The following GRIN2A variants were observed in gnomAD, a reference collection of about 807,000 sequenced individuals.
GRIN2A encodes the protein glutamate ionotropic receptor NMDA type subunit 2A.
Under a neutral mutation model 113.4 loss-of-function variants are expected in GRIN2A, and 22 were observed. The observed-to-expected ratio is 0.19, with a 90% confidence interval of 0.14 to 0.28. The LOEUF (loss-of-function observed/expected upper bound fraction) is 0.28, where lower values mean the gene tolerates loss of function less well. GRIN2A is among the 10% of genes least tolerant of loss of function. GRIN2A has a pLI of 1.00. For missense variants in GRIN2A, 1,502 were observed against 1,887.0 expected (o/e 0.80, Z 3.78); for synonymous variants, 827 against 738.4 (o/e 1.12, Z -1.94).
intron 3 of GRIN2A, among the ~76,000 whole-genome samples, chr16:9,921,506 C>A (rs974590973): frequency 2.6e-5 from 4 of 152,176 alleles, no homozygotes; most frequent in Admixed American, 6.5e-5. Context: ...TCTCTGAAAT[C>A]TTTTTCTCAT....
intron 3 of GRIN2A, among the ~76,000 whole-genome samples, chr16:9,937,188 A>C (rs2044733043): frequency 6.6e-6 from 1 of 152,032 alleles, no homozygotes; most frequent in Non-Finnish European, 1.5e-5. Flanking sequence ...AAAATACTTC[A>C]CTTATCCCAT....
At chr16:10,098,035 C>T (rs190425284) in intron 2 of GRIN2A, among the ~76,000 whole-genome samples, 6 of 152,202 alleles carry the variant, frequency 3.9e-5, no homozygotes, top group Admixed American at 3.3e-4. Context: ...ATCTTCACAA[C>T]CATACATCCA....
intron 2 of GRIN2A, among the ~76,000 whole-genome samples, chr16:10,047,469 T>C (rs1461384295): frequency 6.6e-6 from 1 of 152,242 alleles, no homozygotes; most frequent in East Asian, 1.9e-4. Flanking sequence ...GTTCTTGGTT[T>C]AAAGATTATT....
chr16:9,845,647 G>C (rs1211895799), intron 5 of GRIN2A, among the ~76,000 whole-genome samples: 1 of 152,238 alleles, frequency 6.6e-6, no homozygotes, highest in South Asian at 2.1e-4. Context: ...AAACTCCCAA[G>C]CTCCTTTCCT....
At chr16:9,938,781 T>C (rs1186950011) in intron 2 of GRIN2A, among the ~76,000 whole-genome samples, 1 of 152,194 alleles carries the variant, frequency 6.6e-6, no homozygotes, top group Admixed American at 6.5e-5. Context: ...TCTGTAATTA[T>C]TGCTTGCTTA....
chr16:10,050,527 G>T (rs1049093628), intron 2 of GRIN2A, among the ~76,000 whole-genome samples: 2 of 151,842 alleles, frequency 1.3e-5, no homozygotes, highest in African/African-American at 4.8e-5. Context: ...CTCCTTATGA[G>T]AATCTAATGC....
intron 2 of GRIN2A, among the ~76,000 whole-genome samples, chr16:10,153,805 A>G (rs1331498143): frequency 7.2e-5 from 11 of 152,202 alleles, no homozygotes; most frequent in Non-Finnish European, 1.5e-5. Context: ...GATCTCCTTA[A>G]TGCAGCATGT....
chr16:10,113,812 T>C (rs1003878207), intron 2 of GRIN2A, among the ~76,000 whole-genome samples: 1 of 152,236 alleles, frequency 6.6e-6, no homozygotes, highest in African/African-American at 2.4e-5. Context: ...GTGACAGCGT[T>C]ATTGAGTTGA....
In GRIN2A at chr16:9,913,885, A is replaced by AT. The variant is rs142983404; in HGVS notation, c.1008-22786dup. On this transcript the variant is annotated intron_variant, in intron 3 of 12. Coordinates refer to ENST00000330684, the MANE Select transcript of GRIN2A (RefSeq NM_001134407.3). The stretch of plus-strand genomic sequence containing the variant: ...GTTTGGGCTTGAAGTTTGAAATAAC[A>AT]TTTTTTTTTCCATTTCTCCTTTGGG... 9.3e-3 allele frequency among the ~76,000 whole-genome samples: 1,410 copies of AT among 151,286 alleles called. 29 individuals carry two copies. Among genetic ancestry groups the AT allele is most frequent in the African/African-American group, 0.032 (1,337 of 41,288 alleles).
At chr16:9,907,188 G>A (rs2044044098) in intron 3 of GRIN2A, among the ~76,000 whole-genome samples, 1 of 152,184 alleles carries the variant, frequency 6.6e-6, no homozygotes, top group Non-Finnish European at 1.5e-5. Context: ...TATGAAAAGA[G>A]ATTATAAACA....
intron 11 of GRIN2A, among the ~76,000 whole-genome samples, chr16:9,783,709 C>A (rs1018148170): frequency 3.9e-5 from 6 of 152,162 alleles, no homozygotes; most frequent in South Asian, 2.1e-4. Context: ...ATATCATGGA[C>A]CCCAACTGAG....
chr16:10,093,762 T>G (rs1405443821), intron 2 of GRIN2A, among the ~76,000 whole-genome samples: 1 of 152,202 alleles, frequency 6.6e-6, no homozygotes, highest in Non-Finnish European at 1.5e-5. Context: ...TCCTCACCTC[T>G]TGACTTTGAG....
At chr16:10,093,138 A>G (rs2048216235) in intron 2 of GRIN2A, among the ~76,000 whole-genome samples, 1 of 152,182 alleles carries the variant, frequency 6.6e-6, no homozygotes, top group South Asian at 2.1e-4. Context: ...ACGCCCGGCC[A>G]ACCTTTCTGA....
chr16:10,179,252 G>C (rs549920738), intron 2 of GRIN2A, among the ~76,000 whole-genome samples: 1 of 152,162 alleles, frequency 6.6e-6, no homozygotes, highest in Non-Finnish European at 1.5e-5. Context: ...TCTTTGTTCA[G>C]GAGCCAACTC....
In GRIN2A at chr16:9,897,219, AT is replaced by A. The variant is rs199886425; in HGVS notation, c.1008-6120del. Among the ~76,000 whole-genome samples, 279 of 134,724 alleles carry A rather than the reference AT, an allele frequency of 2.1e-3. 1 individual carries two copies. The highest frequency in any genetic ancestry group is 8.5e-3 in the African/African-American group (269 of 31,788). 88.4% of individuals were successfully genotyped at this position (134,724 alleles called of 152,430 possible). A position where few individuals can be genotyped will look rare whatever the true frequency, so the allele number is the denominator to read the frequency against. The stretch of plus-strand genomic sequence containing the variant: ...ATATATATTTACATATTTTATATAT[AT>A]AAAAAAATACATAAAATACGTACAT... On this transcript the variant is annotated intron_variant, in intron 3 of 12. Coordinates refer to ENST00000330684, the MANE Select transcript of GRIN2A (RefSeq NM_001134407.3).
At chr16:10,129,045 G>C (rs2049007286) in intron 2 of GRIN2A, among the ~76,000 whole-genome samples, 2 of 152,082 alleles carry the variant, frequency 1.3e-5, no homozygotes, top group South Asian at 4.1e-4. Context: ...CCTACTATGT[G>C]CATCACTTTT....
intron 2 of GRIN2A, among the ~76,000 whole-genome samples, chr16:10,080,868 A>G (rs2047965627): frequency 1.3e-5 from 2 of 152,056 alleles, no homozygotes; most frequent in Admixed American, 1.3e-4. Context: ...TTTCCCAGCC[A>G]CATCTCCACC....
intron 8 of GRIN2A, among the ~76,000 whole-genome samples, chr16:9,833,745 A>T (rs1185992086): frequency 6.6e-6 from 1 of 152,186 alleles, no homozygotes; most frequent in Non-Finnish European, 1.5e-5. Context: ...TGTGTGATTG[A>T]GTCTCGCTCT....
intron 2 of GRIN2A, among the ~76,000 whole-genome samples, chr16:10,127,385 A>G (rs1297114523): frequency 2.0e-5 from 3 of 152,116 alleles, no homozygotes; most frequent in African/African-American, 4.8e-5. Context: ...CAACCTCTGC[A>G]TGTGATATTC....
Sources: allele counts gnomAD v4.1 joint callset (sites outside exome capture counted in the v4.1 genomes callset), GRCh38; gene constraint gnomAD v4.1.1; transcripts MANE v1.5; gene names NCBI Gene and HGNC (gene_info 2026-07-23, HGNC 2026-07-21).